The following SPOCK3 variants were observed in gnomAD, a reference collection of about 807,000 sequenced individuals.
SPOCK3 encodes the protein SPARC (osteonectin), cwcv and kazal like domains proteoglycan 3.
A neutral mutation model predicts 56.6 loss-of-function variants in SPOCK3; 30 were observed. The observed-to-expected ratio is 0.53, with a 90% CI of 0.40 to 0.72. The LOEUF (loss-of-function observed/expected upper bound fraction) is 0.72, where lower values mean the gene tolerates loss of function less well. Among genes scored for constraint, SPOCK3 ranks in the 30% least tolerant of loss-of-function variants. The probability of loss-of-function intolerance (pLI) is 0.00; values close to 1 mark genes in which losing one functional copy is unlikely to be tolerated. For synonymous variants in SPOCK3, 196 were observed against 183.3 expected, an observed-to-expected ratio of 1.07 and a Z score of -0.56; for missense variants, 527 against 530.0, an observed-to-expected ratio of 0.99 and a Z score of 0.06.
At chr4:167,019,822 C>T (rs1042347725) in intron 3 of SPOCK3, among the ~76,000 whole-genome samples, 4 of 152,030 alleles carry the variant, frequency 2.6e-5, no homozygotes, top group African/African-American at 9.7e-5. Flanking sequence ...ATTGATAGAA[C>T]ATAAATAAAA....
Position 166,951,049 on chromosome 4 carries a change from T to C in SPOCK3, c.351-38306A>G, listed in dbSNP as rs1046819008. On this transcript the variant is annotated intron_variant, in intron 4 of 10. Coordinates refer to ENST00000357545, the MANE Select transcript of SPOCK3 (RefSeq NM_001040159.2). ...AACTAGAAAAGCAAGAGCAAACACA[T>C]TCAAAAGCTAGCAGAAGACAAGAAA... Among the ~76,000 whole-genome samples, 12 of 135,688 alleles carry C rather than the reference T, an allele frequency of 8.8e-5. No individual in the cohort carries two copies. In the East Asian group the frequency reaches 1.5e-3, roughly 17 times the overall value. 89.0% of individuals were successfully genotyped at this position (135,688 alleles called of 152,430 possible). A position where few individuals can be genotyped will look rare whatever the true frequency, so the allele number is the denominator to read the frequency against.
intron 2 of SPOCK3, among the ~76,000 whole-genome samples, chr4:167,116,809 A>G (rs1257320766): frequency 7.2e-6 from 1 of 139,286 alleles, no homozygotes; most frequent in Non-Finnish European, 1.5e-5. Context: ...ATAAATACAC[A>G]TATAGATGTA....
intron 4 of SPOCK3, among the ~76,000 whole-genome samples, chr4:166,932,333 G>A (rs1739882157): frequency 1.3e-5 from 2 of 152,094 alleles, no homozygotes; most frequent in Non-Finnish European, 2.9e-5. Flanking sequence ...TAAATCTTCA[G>A]TCATATTACC....
intron 3 of SPOCK3, among the ~76,000 whole-genome samples, chr4:167,053,714 TAAAA>T (rs527914598): frequency 8.6e-5 from 13 of 151,202 alleles, no homozygotes; most frequent in African/African-American, 2.9e-4. Flanking sequence ...AACAAATAAA[TAAAA>T]AAAAGAGAAT....
At chr4:167,099,491 C>T (rs1759449240) in intron 2 of SPOCK3, among the ~76,000 whole-genome samples, 2 of 151,686 alleles carry the variant, frequency 1.3e-5, no homozygotes, top group Admixed American at 6.6e-5. Context: ...AAATTTAATA[C>T]CTGCAAAAGT....
At chr4:166,979,155 A>T (rs1746304506) in intron 4 of SPOCK3, among the ~76,000 whole-genome samples, 1 of 152,198 alleles carries the variant, frequency 6.6e-6, no homozygotes, top group Non-Finnish European at 1.5e-5. Context: ...ATTCACATGC[A>T]TCTCTGCAGA....
intron 6 of SPOCK3, among the ~76,000 whole-genome samples, chr4:166,838,206 T>C (rs191450946): frequency 6.6e-6 from 1 of 152,316 alleles, no homozygotes; most frequent in East Asian, 1.9e-4. Context: ...TTAGTTTATG[T>C]CATTTGTCAA....
chr4:166,737,898 G>C (rs773487564), intron 9 of SPOCK3, among the ~76,000 whole-genome samples: 9 of 152,098 alleles, frequency 5.9e-5, no homozygotes, highest in African/African-American at 9.7e-5. Context: ...GTGTTTCAGA[G>C]GCACAATACA....
chr4:167,152,408 A>G (rs1333393570), intron 2 of SPOCK3, among the ~76,000 whole-genome samples: 1 of 152,188 alleles, frequency 6.6e-6, no homozygotes, highest in Non-Finnish European at 1.5e-5. Flanking sequence ...GATATTTTAC[A>G]TATATAACAA....
intron 2 of SPOCK3, among the ~76,000 whole-genome samples, chr4:167,109,181 T>A (rs1760573027): frequency 1.2e-5 from 1 of 80,588 alleles, no homozygotes; most frequent in South Asian, 4.1e-4. Flanking sequence ...TAAAAATATA[T>A]ATAAATATTA....
At chr4:166,965,136 C>T (rs1167876997) in intron 4 of SPOCK3, among the ~76,000 whole-genome samples, 4 of 151,894 alleles carry the variant, frequency 2.6e-5, no homozygotes, top group African/African-American at 9.7e-5. Context: ...ATGGAAAGAA[C>T]ATGCTTTTTA....
chr4:167,081,799 T>C (rs906979394), intron 2 of SPOCK3, among the ~76,000 whole-genome samples: 5 of 151,938 alleles, frequency 3.3e-5, no homozygotes, highest in African/African-American at 4.8e-5. Context: ...AGAAAATATA[T>C]AGATACAGAA....
intron 2 of SPOCK3, among the ~76,000 whole-genome samples, chr4:167,149,746 G>A (rs1409679839): frequency 6.6e-6 from 1 of 151,508 alleles, no homozygotes; most frequent in Non-Finnish European, 1.5e-5. Context: ...AATATCAAAT[G>A]TTATTATTAT....
At chr4:166,842,515 C>T (rs772847857) in intron 6 of SPOCK3, among the ~76,000 whole-genome samples, 11 of 152,094 alleles carry the variant, frequency 7.2e-5, no homozygotes, top group Non-Finnish European at 1.3e-4. Flanking sequence ...ATTTACAAAC[C>T]TTGAGCTAGA....
chr4:166,898,892 G>A (rs1560986574), intron 5 of SPOCK3, among the ~76,000 whole-genome samples: 1 of 152,288 alleles, frequency 6.6e-6, no homozygotes, highest in East Asian at 1.9e-4. Flanking sequence ...GTTTCCAGAA[G>A]GGATGAGCAT....
intron 3 of SPOCK3, among the ~76,000 whole-genome samples, chr4:167,027,785 C>T (rs369760486): frequency 6.6e-6 from 1 of 152,030 alleles, no homozygotes; most frequent in East Asian, 1.9e-4. Flanking sequence ...TCTTTATTCT[C>T]GTTGTCTTCA....
At chr4:166,752,671 A>G (rs2126481918) in intron 8 of SPOCK3, among the ~76,000 whole-genome samples, 1 of 151,996 alleles carries the variant, frequency 6.6e-6, no homozygotes, top group Admixed American at 6.6e-5. Flanking sequence ...TATAAGCTGG[A>G]ATATTTGAAA....
At chr4:167,003,794 T>G (rs1388210717) in intron 3 of SPOCK3, among the ~76,000 whole-genome samples, 2 of 152,322 alleles carry the variant, frequency 1.3e-5, no homozygotes, top group Non-Finnish European at 2.9e-5. Flanking sequence ...ACAAGTAAGT[T>G]TTTTTTGGTT....
chr4:166,885,448 G>A (rs1235659770), intron 6 of SPOCK3, among the ~76,000 whole-genome samples: 1 of 95,278 alleles, frequency 1.0e-5, no homozygotes, highest in Non-Finnish European at 2.4e-5. Context: ...GTTTGACTCA[G>A]ATAAATTAAT....
Sources: gnomAD v4.1 joint callset for allele counts (sites outside exome capture counted in the v4.1 genomes callset) on GRCh38, gnomAD v4.1.1 for gene constraint, MANE v1.5 for transcripts, NCBI Gene and HGNC (gene_info 2026-07-23, HGNC 2026-07-21) for gene names.